ZNF407: variants seen among roughly 807,000 people sequenced by gnomAD.
ZNF407 encodes zinc finger protein 407.
In ZNF407, 17 loss-of-function variants were observed where a neutral mutation model predicts 131.2. The observed-to-expected ratio is 0.13, with a 90% CI of 0.09 to 0.19. The LOEUF is 0.19. Among genes scored for constraint, ZNF407 ranks in the 10% least tolerant of loss-of-function variants. The probability of loss-of-function intolerance (pLI) is 1.00; values close to 1 mark genes in which losing one functional copy is unlikely to be tolerated. For missense variants in ZNF407, 2,681 were observed against 2,830.6 expected (o/e 0.95, Z 1.20); for synonymous variants, 1,156 against 1,062.0 (o/e 1.09, Z -1.72).
intron 5 of ZNF407, among the ~76,000 whole-genome samples, chr18:74,880,765 C>A (rs1390800077): frequency 1.3e-5 from 2 of 152,198 alleles, no homozygotes; most frequent in Non-Finnish European, 2.9e-5. Flanking sequence ...GCAGCCCCAT[C>A]TGGAAGACAT....
intron 4 of ZNF407, among the ~76,000 whole-genome samples, chr18:74,796,765 A>G (rs568166562): frequency 2.6e-5 from 4 of 152,294 alleles, no homozygotes; most frequent in African/African-American, 7.2e-5. Context: ...ACGTAATTCT[A>G]TTTAAACTGT....
chr18:74,601,329 CTGTGTGTGTGTGTG>C (rs60358173), intron 1 of ZNF407, among the ~76,000 whole-genome samples: 6 of 144,760 alleles, frequency 4.1e-5, no homozygotes, highest in Admixed American at 6.9e-5. Context: ...GTGTGTATGT[CTGTGTGTGTGTGTG>C]TGTGTGTGTG....
intron 4 of ZNF407, among the ~76,000 whole-genome samples, chr18:74,827,961 T>A (rs1201014085): frequency 6.6e-6 from 1 of 152,164 alleles, no homozygotes; most frequent in Non-Finnish European, 1.5e-5. Context: ...ATAGTTAATA[T>A]TTGTTTGTTG....
chr18:74,856,075 CT>C (rs1413300405), intron 4 of ZNF407, among the ~76,000 whole-genome samples: 1 of 152,156 alleles, frequency 6.6e-6, no homozygotes, highest in East Asian at 1.9e-4. Flanking sequence ...TTTGTTCGGA[CT>C]TTTTTTGTTC....
intron 8 of ZNF407, among the ~76,000 whole-genome samples, chr18:74,951,738 T>C (rs1036646024): frequency 6.6e-6 from 1 of 152,228 alleles, no homozygotes; most frequent in Non-Finnish European, 1.5e-5. Context: ...TTTCATAGTC[T>C]GTGTGTTTTT....
intron 8 of ZNF407, among the ~76,000 whole-genome samples, chr18:75,057,280 A>G (rs997171881): frequency 1.3e-5 from 2 of 152,220 alleles, no homozygotes; most frequent in African/African-American, 4.8e-5. Flanking sequence ...ATATTAGCAC[A>G]GGCTTTTGTA....
chr18:74,827,414 G>T (rs753685519), intron 4 of ZNF407, among the ~76,000 whole-genome samples: 39 of 151,536 alleles, frequency 2.6e-4, no homozygotes, highest in Non-Finnish European at 4.6e-4. Context: ...TAATTTGTTG[G>T]TATCAGTTTG....
intron 8 of ZNF407, among the ~76,000 whole-genome samples, chr18:74,989,038 A>G (rs577857991): frequency 1.6e-4 from 24 of 152,348 alleles, no homozygotes; most frequent in African/African-American, 5.8e-4. Flanking sequence ...TGCTCATGGC[A>G]ACTTTGTTCA....
intron 7 of ZNF407, among the ~76,000 whole-genome samples, chr18:74,912,630 C>G (rs1156552940): frequency 6.6e-6 from 1 of 152,056 alleles, no homozygotes; most frequent in Non-Finnish European, 1.5e-5. Flanking sequence ...TGAATCAAAT[C>G]TAGTATTTAA....
intron 8 of ZNF407, among the ~76,000 whole-genome samples, chr18:75,035,972 G>C (rs1240608297): frequency 6.6e-6 from 1 of 152,218 alleles, no homozygotes; most frequent in Non-Finnish European, 1.5e-5. Flanking sequence ...AGAAACCAGA[G>C]GTGGCAGGAA....
intron 3 of ZNF407, among the ~76,000 whole-genome samples, chr18:74,654,525 T>A (rs1479761921): frequency 3.3e-5 from 5 of 151,872 alleles, no homozygotes; most frequent in Admixed American, 3.3e-4. Flanking sequence ...CTTAAAACTT[T>A]TAGTAATTTT....
At chr18:74,897,008 A>G (rs1265532764) in intron 7 of ZNF407, among the ~76,000 whole-genome samples, 1 of 151,896 alleles carries the variant, frequency 6.6e-6, no homozygotes, top group Non-Finnish European at 1.5e-5. Flanking sequence ...AATGTTTTTT[A>G]TCTAGTGTTA....
intron 3 of ZNF407, among the ~76,000 whole-genome samples, chr18:74,664,119 T>G (rs1404432701): frequency 6.6e-6 from 1 of 152,158 alleles, no homozygotes; most frequent in Non-Finnish European, 1.5e-5. Flanking sequence ...GAAGACCAGC[T>G]TTGGGGCCTG....
intron 3 of ZNF407, among the ~76,000 whole-genome samples, chr18:74,697,994 T>C (rs1458517551): frequency 6.6e-6 from 1 of 152,184 alleles, no homozygotes; most frequent in Non-Finnish European, 1.5e-5. Context: ...AATCCAATTG[T>C]TTTTAAATCA....
chr18:74,804,086 T>C, intron 4 of ZNF407: 1 of 1,549,282 alleles, frequency 6.5e-7, no homozygotes, highest in Non-Finnish European at 8.7e-7. Flanking sequence ...GGACCTGCAG[T>C]GGGAGGATTG....
intron 3 of ZNF407, among the ~76,000 whole-genome samples, chr18:74,759,033 G>A (rs975201144): frequency 6.6e-6 from 1 of 152,006 alleles, no homozygotes; most frequent in East Asian, 1.9e-4. Flanking sequence ...TCTGGCTGAT[G>A]GTGTTTTTTG....
chr18:74,929,788 A>C (rs1443974183), intron 8 of ZNF407, among the ~76,000 whole-genome samples: 3 of 152,218 alleles, frequency 2.0e-5, no homozygotes, highest in Non-Finnish European at 2.9e-5. Flanking sequence ...TTAGCTTTGA[A>C]ATGTAGTTCA....
chr18:75,008,989 T>TA (rs1309462400), intron 8 of ZNF407, among the ~76,000 whole-genome samples: 1 of 152,204 alleles, frequency 6.6e-6, no homozygotes, highest in Non-Finnish European at 1.5e-5. Context: ...TTCAAACACT[T>TA]ATCTTCTTCC....
intron 3 of ZNF407, among the ~76,000 whole-genome samples, chr18:74,747,088 C>G (rs997758499): frequency 6.6e-6 from 1 of 152,080 alleles, no homozygotes; most frequent in African/African-American, 2.4e-5. Flanking sequence ...TGGTTAATCA[C>G]TGATTAAAAC....
Sources: gnomAD v4.1 joint callset for allele counts (sites outside exome capture counted in the v4.1 genomes callset) on GRCh38, gnomAD v4.1.1 for gene constraint, MANE v1.5 for transcripts, NCBI Gene and HGNC (gene_info 2026-07-23, HGNC 2026-07-21) for gene names.